Variants in MINDY4 observed in about 807,000 individuals in gnomAD.
MINDY4 encodes the protein MINDY lysine 48 deubiquitinase 4.
Under a neutral mutation model 87.0 loss-of-function variants are expected in MINDY4, and 68 were observed. The observed-to-expected ratio is 0.78, with a 90% confidence interval of 0.64 to 0.96. MINDY4 has a LOEUF of 0.96. Among genes scored for constraint, MINDY4 ranks in the 40% least tolerant of loss-of-function variants. MINDY4 has a pLI of 0.00. For synonymous variants in MINDY4, 379 were observed against 363.2 expected (o/e 1.04, Z -0.50); for missense variants, 919 against 928.2 (o/e 0.99, Z 0.13).
At chr7:30,884,001 T>C (rs1790555114) in intron 17 of MINDY4, among the ~76,000 whole-genome samples, 1 of 152,132 alleles carries the variant, frequency 6.6e-6, no homozygotes, top group Non-Finnish European at 1.5e-5. Flanking sequence ...TCCATGGTGT[T>C]TGTGCTCACG....
intron 5 of MINDY4, among the ~76,000 whole-genome samples, chr7:30,797,780 G>A (rs1787534937): frequency 6.6e-6 from 1 of 152,184 alleles, no homozygotes; most frequent in South Asian, 2.1e-4. Context: ...AAGGAGGAAG[G>A]CAAGTGTGGA....
chr7:30,790,877 C>T (rs1428032725), intron 4 of MINDY4, among the ~76,000 whole-genome samples: 2 of 152,118 alleles, frequency 1.3e-5, no homozygotes, highest in African/African-American at 4.8e-5. Flanking sequence ...CAGACTGGAG[C>T]GACGGCTTCA....
chr7:30,841,708 A>G (rs976130114), intron 9 of MINDY4, among the ~76,000 whole-genome samples: 10 of 152,222 alleles, frequency 6.6e-5, no homozygotes, highest in Admixed American at 4.6e-4. Flanking sequence ...TCAATGAATT[A>G]TCACAAAACC....
chr7:30,862,073 G>A (rs746940852), intron 13 of MINDY4, among the ~76,000 whole-genome samples: 1 of 152,252 alleles, frequency 6.6e-6, no homozygotes, highest in Non-Finnish European at 1.5e-5. Context: ...GTTAAACTGA[G>A]GGCTTCAAGT....
At chr7:30,890,791 A>G (rs1172767998) in intron 17 of MINDY4, among the ~76,000 whole-genome samples, 1 of 152,208 alleles carries the variant, frequency 6.6e-6, no homozygotes. Flanking sequence ...TGTCATAAAC[A>G]TGGGGAACAG....
chr7:30,840,762 T>C lies in MINDY4; in HGVS notation c.1359T>C (p.Gly453=). 1 of 1,613,926 alleles carries C rather than the reference T, an allele frequency of 6.2e-7. No individual in the cohort carries two copies. Among genetic ancestry groups the C allele is most frequent in the Non-Finnish European group, 8.5e-7 (1 of 1,179,894 alleles). The change falls in exon 9 of 18, where the codon GGT becomes GGC. Residue 453 remains glycine (G), a splice_region_variant and synonymous_variant. Coordinates refer to ENST00000265299, the MANE Select transcript of MINDY4 (RefSeq NM_032222.3). Reference sequence around the variant, plus strand: ...AGCAATGGTCTCATTCTTTGCAGGGTGGTCCTTGCGGAGTCCTGGCAGCTG... The same window carrying C: ...AGCAATGGTCTCATTCTTTGCAGGGCGGTCCTTGCGGAGTCCTGGCAGCTG... The part of the protein sequence containing the change: ...SLKYGIVQNK[G]GPCGVLAAVQ...
intron 5 of MINDY4, among the ~76,000 whole-genome samples, chr7:30,812,908 A>G (rs566602860): frequency 9.2e-5 from 14 of 152,308 alleles, no homozygotes; most frequent in South Asian, 8.3e-4. Flanking sequence ...GAATGGGTCC[A>G]GCTGCTTCCG....
intron 6 of MINDY4, among the ~76,000 whole-genome samples, chr7:30,831,595 T>C (rs1788703005): frequency 6.6e-6 from 1 of 152,124 alleles, no homozygotes; most frequent in African/African-American, 2.4e-5. Context: ...CCTGGGGCTC[T>C]GGTAGAAGGG....
chr7:30,803,930 C>G (rs1206313114), intron 5 of MINDY4, among the ~76,000 whole-genome samples: 1 of 152,174 alleles, frequency 6.6e-6, no homozygotes, highest in Non-Finnish European at 1.5e-5. Flanking sequence ...TTGTTCCTAC[C>G]CTGTGATAGG....
intron 10 of MINDY4, 101 bp from the exon 11 acceptor site, chr7:30,852,112 CCTT>C (rs1789432153): frequency 7.5e-7 from 1 of 1,327,118 alleles, no homozygotes; most frequent in East Asian, 2.4e-5. Flanking sequence ...TCTGGAGCCA[CCTT>C]CTTATTTGTC....
At chr7:30,775,799 C>T (rs1425331726) in intron 1 of MINDY4, among the ~76,000 whole-genome samples, 1 of 152,180 alleles carries the variant, frequency 6.6e-6, no homozygotes, top group African/African-American at 2.4e-5. Context: ...ACCTGGGACA[C>T]AGAACAAATA....
chr7:30,831,174 A>G (rs1173166355), intron 6 of MINDY4, among the ~76,000 whole-genome samples: 2 of 152,194 alleles, frequency 1.3e-5, no homozygotes, highest in East Asian at 1.9e-4. Flanking sequence ...GGGAAATCCA[A>G]TGGGTATTTC....
At chr7:30,858,795 A>C in intron 12 of MINDY4, 1 of 358,394 alleles carries the variant, frequency 2.8e-6, no homozygotes, top group Non-Finnish European at 5.5e-6. Context: ...CTGGAATTAG[A>C]GATCCCTGGA....
At chr7:30,864,185 GT>G (rs958520390) in intron 13 of MINDY4, among the ~76,000 whole-genome samples, 8 of 152,264 alleles carry the variant, frequency 5.3e-5, no homozygotes, top group African/African-American at 1.7e-4. Context: ...TGCTGAAACA[GT>G]TTTAGAACAG....
intron 13 of MINDY4, among the ~76,000 whole-genome samples, chr7:30,866,324 A>G (rs1205138648): frequency 6.6e-6 from 1 of 152,182 alleles, no homozygotes; most frequent in Admixed American, 6.5e-5. Flanking sequence ...TAACCTGCTG[A>G]AAGGGTCTCC....
intron 17 of MINDY4, among the ~76,000 whole-genome samples, chr7:30,890,771 G>A (rs1790773057): frequency 6.6e-6 from 1 of 152,120 alleles, no homozygotes; most frequent in Admixed American, 6.6e-5. Flanking sequence ...TTCAGTGGAA[G>A]TTTAGGCTAT....
intron 17 of MINDY4, among the ~76,000 whole-genome samples, chr7:30,890,273 G>A (rs1790758419): frequency 6.6e-6 from 1 of 152,248 alleles, no homozygotes; most frequent in Non-Finnish European, 1.5e-5. Flanking sequence ...TTGGGTTGTT[G>A]ACTAGGGAGC....
intron 15 of MINDY4, 134 bp downstream of exon 15, chr7:30,875,790 G>C: frequency 1.0e-6 from 1 of 982,544 alleles, no homozygotes; most frequent in African/African-American, 1.7e-5. Context: ...GAATCACAGA[G>C]GGCTTGGGAA....
At chr7:30,816,805 C>G (rs923313253) in intron 5 of MINDY4, among the ~76,000 whole-genome samples, 15 of 152,146 alleles carry the variant, frequency 9.9e-5, no homozygotes, top group Admixed American at 9.8e-4. Flanking sequence ...AAGCAGAGAG[C>G]TTTTCTCACA....
Sources: allele counts gnomAD v4.1 joint callset (sites outside exome capture counted in the v4.1 genomes callset), GRCh38; gene constraint gnomAD v4.1.1; transcripts MANE v1.5; gene names NCBI Gene and HGNC (gene_info 2026-07-23, HGNC 2026-07-21).